The following BLOC1S3 variants were observed in gnomAD, a reference collection of about 807,000 sequenced individuals.
BLOC1S3 encodes the protein biogenesis of lysosome-related organelles complex 1 subunit 3.
BLOC1S3 carries 7 observed loss-of-function variants against 9.1 expected under a neutral mutation model. That is an observed-to-expected ratio of 0.77 (90% CI 0.44 to 1.45). The LOEUF (loss-of-function observed/expected upper bound fraction) is 1.45. Among genes scored for constraint, BLOC1S3 ranks in the 40% most tolerant of loss-of-function variants. The pLI is 0.01. For synonymous variants in BLOC1S3, 145 were observed against 158.4 expected, an observed-to-expected ratio of 0.92 and a Z score of 0.64; for missense variants, 307 against 315.2, an observed-to-expected ratio of 0.97 and a Z score of 0.20.
intron 2 of BLOC1S3, among the ~76,000 whole-genome samples, chr19:45,193,132 C>CAAAAAA (rs71173123): frequency 0.022 from 1,734 of 77,682 alleles, 135 homozygotes; most frequent in Non-Finnish European, 0.034. Context: ...AACTCCGTCT[C>CAAAAAA]AAAAAAAAAA....
chr19:45,201,002 G>A (rs1969686743), intron 2 of BLOC1S3, among the ~76,000 whole-genome samples: 1 of 152,096 alleles, frequency 6.6e-6, no homozygotes, highest in South Asian at 2.1e-4. Flanking sequence ...GGGAGTTTGA[G>A]ACCAGCCTGG....
downstream of BLOC1S3, among the ~76,000 whole-genome samples, chr19:45,183,629 T>TTC (rs1555752560): frequency 7.4e-6 from 1 of 135,936 alleles, no homozygotes; most frequent in Admixed American, 7.2e-5. Context: ...TTTTCTTTTT[T>TTC]TTTTTTTTTT....
intron 2 of BLOC1S3, among the ~76,000 whole-genome samples, chr19:45,194,403 G>A (rs186136987): frequency 5.3e-4 from 80 of 152,100 alleles, no homozygotes; most frequent in African/African-American, 1.8e-3. Flanking sequence ...ATGAGCCACC[G>A]CGCCCAGCCA....
In BLOC1S3 at chr19:45,179,553, A is replaced by C; in HGVS notation, c.257A>C (p.Gln86Pro). 1 of 1,519,260 alleles carries C rather than the reference A, an allele frequency of 6.6e-7. No homozygotes were observed. The highest frequency in any genetic ancestry group is 8.8e-7 in the Non-Finnish European group (1 of 1,140,996). 94.1% of individuals were successfully genotyped at this position (1,519,260 alleles called of 1,614,324 possible). A position where few individuals can be genotyped will look rare whatever the true frequency, so the allele number is the denominator to read the frequency against. The change falls in exon 2 of 2, where the codon CAG becomes CCG. Residue 86 changes from glutamine (Q) to proline (P), a missense_variant. Coordinates refer to ENST00000433642, the MANE Select transcript of BLOC1S3 (RefSeq NM_212550.5). This position sits in a 1 kb window ranked among gnomAD's most constrained non-coding sequence, Gnocchi z 4.6. ...APRDLPPLVV[Q>P]RESAEEAWGT... ...AGGGACCTGCCTCCACTCGTGGTGC[A>C]GCGGGAATCGGCGGAGGAGGCCTGG...
chr19:45,180,074 G>A lies in BLOC1S3; in HGVS notation c.*169G>A. ...TGGATAATGCTTTATATTGGATATA[G>A]TTCAACCCCTACTGCGGAGACCAGG... On this transcript the variant is annotated 3_prime_UTR_variant, in exon 2 of 2. Coordinates refer to ENST00000433642, the MANE Select transcript of BLOC1S3 (RefSeq NM_212550.5). 1 of 709,000 alleles carries A rather than the reference G, an allele frequency of 1.4e-6. No homozygotes were observed. The highest frequency in any genetic ancestry group is 2.3e-6 in the Non-Finnish European group (1 of 444,176). The allele number at this position is 709,000 out of a possible 1,614,324, so 43.9% of individuals were successfully genotyped here. A position where few individuals can be genotyped will look rare whatever the true frequency, so the allele number is the denominator to read the frequency against.
chr19:45,191,449 A>G (rs552355597), intron 2 of BLOC1S3, among the ~76,000 whole-genome samples: 2 of 152,128 alleles, frequency 1.3e-5, no homozygotes, highest in African/African-American at 4.8e-5. Context: ...TGGTGAGGTC[A>G]TGTTTTCCTG....
chr19:45,180,235 A>ATTT lies in BLOC1S3; in HGVS notation c.*352_*354dup, dbSNP rs34965337. On this transcript the variant is annotated 3_prime_UTR_variant, in exon 2 of 2. Transcript: ENST00000433642. Reference sequence around the variant, plus strand: ...CTGTTTCCACCCTGGGGGCTCACCAATTTTTTTTTTTTTTTTTTTTTTTTG... The same window carrying ATTT: ...CTGTTTCCACCCTGGGGGCTCACCAATTTTTTTTTTTTTTTTTTTTTTTTTTTG... The ATTT allele has an allele frequency of 3.2e-3, 287 of 90,494 alleles. 2 individuals are homozygous for ATTT. Among genetic ancestry groups the ATTT allele is most frequent in the Non-Finnish European group, 4.5e-3 (217 of 48,666 alleles). 5.6% of individuals were successfully genotyped at this position (90,494 alleles called of 1,614,324 possible). A position where few individuals can be genotyped will look rare whatever the true frequency, so the allele number is the denominator to read the frequency against.
chr19:45,212,939 A>G (rs11667430), intron 3 of BLOC1S3: 401,107 of 1,087,462 alleles, frequency 0.37, 80,182 homozygotes, highest in Middle Eastern at 0.52. Flanking sequence ...GGTTGGGTGA[A>G]AAGACATCTA....
rs368838424 is a variant in BLOC1S3 at position 45,194,027 on chromosome 19, T to C, written n.180+6287T>C. Among the ~76,000 whole-genome samples the C allele has an allele frequency of 5.1e-5, 7 of 138,026 alleles. No individual in the cohort carries two copies. The South Asian group carries it at 1.7e-3, about 34-fold the overall frequency. 90.6% of individuals were successfully genotyped at this position (138,026 alleles called of 152,430 possible). On this transcript the variant is annotated intron_variant and non_coding_transcript_variant, in intron 2 of 3. Transcript: ENST00000591569. Reference sequence around the variant, plus strand: ...ACCGTGTTAGCCAGGATGGTCTCGATCTCCTGACCTCACGATCCGCCCTCC... The same window carrying C: ...ACCGTGTTAGCCAGGATGGTCTCGACCTCCTGACCTCACGATCCGCCCTCC...
chr19:45,195,575 C>T lies in BLOC1S3; in HGVS notation n.181-6831C>T, dbSNP rs550176303. Among the ~76,000 whole-genome samples the T allele has an allele frequency of 7.2e-5, 10 of 139,394 alleles. No individual in the cohort carries two copies. In the South Asian group the frequency reaches 1.4e-3, roughly 19 times the overall value. The allele number at this position is 139,394 out of a possible 152,430, so 91.4% of individuals were successfully genotyped here. The stretch of plus-strand genomic sequence containing the variant: ...CCTCCCTCCTTCCCTCCCTCCCTCC[C>T]TCCCTCCCTCTCTCCCTTCCTCCCT... On this transcript the variant is annotated intron_variant and non_coding_transcript_variant, in intron 2 of 3. Coordinates refer to the BLOC1S3 transcript ENST00000591569.
intron 3 of BLOC1S3, among the ~76,000 whole-genome samples, chr19:45,208,264 A>T (rs1056676020): frequency 1.3e-5 from 2 of 151,122 alleles, no homozygotes; most frequent in Non-Finnish European, 3.0e-5. Flanking sequence ...GAGCCACCAC[A>T]CCCAGCCTCT....
At chr19:45,205,173 T>G (rs1370715020) in intron 3 of BLOC1S3, among the ~76,000 whole-genome samples, 1 of 152,090 alleles carries the variant, frequency 6.6e-6, no homozygotes, top group Non-Finnish European at 1.5e-5. Context: ...AAATTGTGTG[T>G]GTGTGTGTGT....
chr19:45,203,878 C>T (rs905854247), intron 3 of BLOC1S3, among the ~76,000 whole-genome samples: 1 of 152,118 alleles, frequency 6.6e-6, no homozygotes, highest in African/African-American at 2.4e-5. Context: ...TAGCACCTCA[C>T]CCCAAAAGCC....
At chr19:45,213,148 G>A in intron 3 of BLOC1S3, 1 of 1,588,864 alleles carries the variant, frequency 6.3e-7, no homozygotes, top group Non-Finnish European at 8.6e-7. Context: ...GGCCAGCCGG[G>A]AGAGGGGGAG....
At chr19:45,216,206 G>A (rs1161805586) in intron 3 of BLOC1S3, 1 of 1,613,070 alleles carries the variant, frequency 6.2e-7, no homozygotes, top group East Asian at 2.2e-5. Flanking sequence ...TGCAGGGGAG[G>A]GAGGGTGCGG....
At chr19:45,216,176 G>A in intron 3 of BLOC1S3, 1 of 1,613,860 alleles carries the variant, frequency 6.2e-7, no homozygotes, top group Non-Finnish European at 8.5e-7. Flanking sequence ...ACGGCATCCA[G>A]CCACGAGGCC....
At chr19:45,212,774 T>C (rs1194205421) in intron 3 of BLOC1S3, 4 of 308,372 alleles carry the variant, frequency 1.3e-5, no homozygotes, top group Non-Finnish European at 2.3e-5. Context: ...TTTTATTTTT[T>C]GTAGAGATAG....
chr19:45,201,202 CAAA>C (rs35443104), intron 2 of BLOC1S3, among the ~76,000 whole-genome samples: 22 of 126,886 alleles, frequency 1.7e-4, no homozygotes, highest in East Asian at 2.7e-4. Context: ...GACCCTGTCT[CAAA>C]AAAAAAAAAA....
intron 3 of BLOC1S3, among the ~76,000 whole-genome samples, chr19:45,215,543 C>A (rs1055128643): frequency 1.3e-5 from 2 of 152,078 alleles, no homozygotes; most frequent in African/African-American, 4.8e-5. Flanking sequence ...TGAGTGAGAA[C>A]TGGAATTGTT....
Sources: gnomAD v4.1 joint callset for allele counts (sites outside exome capture counted in the v4.1 genomes callset) on GRCh38, gnomAD v4.1.1 for gene constraint, Gnocchi (gnomAD v3.1) non-coding constraint, MANE v1.5 for transcripts, NCBI Gene and HGNC (gene_info 2026-07-23, HGNC 2026-07-21) for gene names.